The following TMEM17 variants were observed in gnomAD, a reference collection of about 807,000 sequenced individuals.
The protein encoded by TMEM17 is transmembrane protein 17.
A neutral mutation model predicts 19.1 loss-of-function variants in TMEM17; 15 were observed. That is an observed-to-expected ratio of 0.78 (90% CI 0.52 to 1.21). The LOEUF (loss-of-function observed/expected upper bound fraction) is 1.21. TMEM17 is among the 50% of genes most tolerant of loss of function. The pLI is 0.00. For synonymous variants in TMEM17, 103 were observed against 86.9 expected (o/e 1.19, Z -1.03); for missense variants, 245 against 242.3 (o/e 1.01, Z -0.07).
chr2:62,486,276 G>C, the TMEM17 span, among the ~76,000 whole-genome samples: 1 of 149,668 alleles, frequency 6.7e-6, no homozygotes, highest in South Asian at 2.1e-4. Context: ...ACTGGGGCCT[G>C]AAGATGTGGA....
the TMEM17 span, among the ~76,000 whole-genome samples, chr2:62,482,061 G>A: frequency 1.3e-5 from 2 of 152,222 alleles, no homozygotes; most frequent in African/African-American, 2.4e-5. Context: ...TAGAACTGCT[G>A]TAGACTTGAC....
In TMEM17 at chr2:62,506,097, C is replaced by T. The variant is rs762437667; in HGVS notation, c.33G>A (p.Leu11=). ...TGAACACGGCCCGGCTGAAGTTTCC[C>T]AGCCGCTGGCGCACCGGATCCGGCA... MELPDPVRQR[L]GNFSRAVFSD... The change falls in exon 1 of 4, where the codon CTG becomes CTA. Residue 11 remains leucine, a synonymous_variant. Transcript: ENST00000335390. The T allele has an allele frequency of 3.7e-6, 6 of 1,610,780 alleles. No individual in the cohort carries two copies. The highest frequency in any genetic ancestry group is 1.1e-5 in the South Asian group (1 of 90,534).
the TMEM17 span, among the ~76,000 whole-genome samples, chr2:62,483,042 C>T: frequency 6.6e-6 from 1 of 152,160 alleles, no homozygotes; most frequent in Non-Finnish European, 1.5e-5. Context: ...GAAAATGTAA[C>T]TTGAAATCAA....
the TMEM17 span, among the ~76,000 whole-genome samples, chr2:62,467,674 G>A: frequency 2.0e-5 from 3 of 152,130 alleles, no homozygotes; most frequent in Non-Finnish European, 4.4e-5. Context: ...GAAAGTCAGC[G>A]GCTCTGTTTT....
At chr2:62,473,290 C>G in the TMEM17 span, among the ~76,000 whole-genome samples, 1,992 of 152,266 alleles carry the variant, frequency 0.013, 20 homozygotes, top group South Asian at 0.03. Flanking sequence ...CCAACCACAC[C>G]GCCAAAACCC....
the TMEM17 span, among the ~76,000 whole-genome samples, chr2:62,471,580 T>A: frequency 6.6e-6 from 1 of 152,246 alleles, no homozygotes; most frequent in Non-Finnish European, 1.5e-5. Context: ...GGGAGTTTAA[T>A]CTTTGTGTCT....
rs781617740 is a variant in TMEM17, at chr2:62,502,771, C to G, written c.124G>C (p.Ala42Pro). 1 of 1,603,342 alleles carries G rather than the reference C, an allele frequency of 6.2e-7. No individual in the cohort carries two copies. The highest frequency in any genetic ancestry group is 1.1e-5 in the South Asian group (1 of 88,594). Residue 42 changes from alanine (A) to proline (P), a missense_variant, in exon 2 of 4, where the codon GCA (alanine) becomes CCA (proline). Ala to Pro is a conservative substitution (Grantham distance 27, BLOSUM62 -1). Transcript: ENST00000335390. The stretch of plus-strand genomic sequence containing the variant: ...TTAAAATAAAGTGACATCTGCAGTG[C>G]CAAACTGGAGACCATTTCATTTTCT... Reference protein sequence around the residue: ...GPENEMVSSLALQMSLYFNTY... With the variant: ...GPENEMVSSLPLQMSLYFNTY...
At chr2:62,505,387 G>T (rs902122672) in intron 1 of TMEM17, among the ~76,000 whole-genome samples, 23 of 152,330 alleles carry the variant, frequency 1.5e-4, no homozygotes, top group African/African-American at 5.3e-4. Flanking sequence ...AGGCAGGGAA[G>T]GGGTGAGTTT....
chr2:62,506,119 G>A lies in TMEM17; in HGVS notation c.11C>T (p.Pro4Leu), dbSNP rs1241320368. 8.7e-6 allele frequency: 14 copies of A among 1,609,748 alleles called. No individual in the cohort carries two copies. Among genetic ancestry groups the A allele is most frequent in the African/African-American group, 2.7e-5 (2 of 74,622 alleles). ...TCCCAGCCGCTGGCGCACCGGATCC[G>A]GCAGCTCCATGCCTGGGCCTCAGTA... MEL[P>L]DPVRQRLGNF... Residue 4 changes from proline to leucine, a missense_variant, in exon 1 of 4, where the codon CCG becomes CTG. Physicochemically the swap from Pro to Leu is moderately conservative, Grantham distance 98. Transcript: ENST00000335390.
At chr2:62,479,917 A>C in the TMEM17 span, among the ~76,000 whole-genome samples, 1 of 150,304 alleles carries the variant, frequency 6.7e-6, no homozygotes, top group Non-Finnish European at 1.5e-5. Context: ...AAAAAAAGAT[A>C]AATTTCCAGT....
intron 3 of TMEM17, chr2:62,501,864 T>C (rs781238473): frequency 2.7e-5 from 5 of 183,662 alleles, no homozygotes; most frequent in Admixed American, 1.1e-4. Flanking sequence ...ATTAGCATGA[T>C]TGGGAATCAG....
intron 1 of TMEM17, among the ~76,000 whole-genome samples, chr2:62,505,789 C>T (rs1680051214): frequency 6.6e-6 from 1 of 152,126 alleles, no homozygotes; most frequent in Non-Finnish European, 1.5e-5. Context: ...TCAGCTGCCG[C>T]GCTTGCAACA....
At position 62,501,295 on chromosome 2, in the gene TMEM17, C is replaced by A; in HGVS notation, c.511G>T (p.Val171Phe). The A allele has an allele frequency of 6.2e-7, 1 of 1,614,238 alleles. No homozygotes were observed. Among genetic ancestry groups the A allele is most frequent in the Non-Finnish European group, 8.5e-7 (1 of 1,180,038 alleles). ...TCAAAGTCTTGGAGGTGGAAACGAA[C>A]TGCCAACTGATTAACCATTTTCCTT... ...TLRKMVNQLA[V>F]RFHLQDFDRL... The change falls in exon 4 of 4, where the codon GTT becomes TTT. Residue 171 changes from valine (V) to phenylalanine (F), a missense_variant. Coordinates refer to ENST00000335390, the MANE Select transcript of TMEM17 (RefSeq NM_198276.3).
rs761309892 is a variant in TMEM17 at position 62,501,504 on chromosome 2, CAA to C, written c.319-19_319-18del. ...CTCAGGAACCTGCAATGACACATAT[CAA>C]GAGTAATAAAAATCAGTAAAATACA... On this transcript the variant is annotated intron_variant, in intron 3 of 3. Transcript: ENST00000335390. The C allele has an allele frequency of 1.9e-6, 3 of 1,595,784 alleles. No individual in the cohort carries two copies. The highest frequency in any genetic ancestry group is 2.6e-6 in the Non-Finnish European group (3 of 1,172,978).
At chr2:62,486,754 C>T in the TMEM17 span, among the ~76,000 whole-genome samples, 206 of 152,276 alleles carry the variant, frequency 1.4e-3, 1 homozygote, top group African/African-American at 4.8e-3. Flanking sequence ...GTGGTGTTCC[C>T]ATCGAATATA....
the TMEM17 span, among the ~76,000 whole-genome samples, chr2:62,469,481 C>T: frequency 6.6e-6 from 1 of 152,162 alleles, no homozygotes; most frequent in African/African-American, 2.4e-5. Flanking sequence ...GATTGAATTG[C>T]CCTAGAAAAT....
the TMEM17 span, among the ~76,000 whole-genome samples, chr2:62,462,858 TC>T: frequency 6.6e-6 from 1 of 152,282 alleles, no homozygotes; most frequent in Admixed American, 6.5e-5. Context: ...CCATTCCCAC[TC>T]GTTATCCAGC....
chr2:62,490,214 C>T, the TMEM17 span, among the ~76,000 whole-genome samples: 1 of 152,042 alleles, frequency 6.6e-6, no homozygotes, highest in African/African-American at 2.4e-5. Context: ...CTTATTATTT[C>T]TGTAGGACCA....
the TMEM17 span, among the ~76,000 whole-genome samples, chr2:62,458,797 T>C: frequency 6.6e-6 from 1 of 152,180 alleles, no homozygotes; most frequent in African/African-American, 2.4e-5. Context: ...TTCCCAGACA[T>C]CTGTGAGCGT....
Sources: gnomAD v4.1 joint callset for allele counts (sites outside exome capture counted in the v4.1 genomes callset) on GRCh38, gnomAD v4.1.1 for gene constraint, MANE v1.5 for transcripts, NCBI Gene and HGNC (gene_info 2026-07-23, HGNC 2026-07-21) for gene names.